Variants in NDUFA3 observed in about 807,000 individuals in gnomAD.
The protein encoded by NDUFA3 is NADH dehydrogenase [ubiquinone] 1 alpha subcomplex subunit 3.
NDUFA3 carries 10 observed loss-of-function variants against 11.4 expected under a neutral mutation model. The observed-to-expected ratio is 0.87, with a 90% CI of 0.54 to 1.48. NDUFA3 has a LOEUF of 1.48. Ranked by LOEUF, NDUFA3 falls within the 40% of genes most tolerant of loss-of-function variation. The pLI, the probability that NDUFA3 is intolerant of heterozygous loss-of-function variation, is 0.00. For missense variants in NDUFA3, 115 were observed against 110.5 expected, an observed-to-expected ratio of 1.04 and a Z score of -0.18; for synonymous variants, 39 against 46.9, an observed-to-expected ratio of 0.83 and a Z score of 0.68.
At chr19:54,102,913 C>T (rs2073130189) in intron 1 of NDUFA3, 25 bp downstream of exon 1, 1 of 1,608,406 alleles carries the variant, frequency 6.2e-7, no homozygotes, top group African/African-American at 1.3e-5. Context: ...CGGTGGCGCA[C>T]GGGGCTCGGG....
Position 54,106,619 on chromosome 19 carries a change from G to T in NDUFA3, c.164-192G>T, listed in dbSNP as rs758195218. The T allele has an allele frequency of 8.0e-6, 4 of 501,000 alleles. No individual in the cohort carries two copies. The East Asian group carries it at 1.3e-4, about 16-fold the overall frequency. 31.0% of individuals were successfully genotyped at this position (501,000 alleles called of 1,614,324 possible). On this transcript the variant is annotated intron_variant, in intron 3 of 3. Coordinates refer to ENST00000485876, the MANE Select transcript of NDUFA3 (RefSeq NM_004542.4). ...CTCTAGTGCGCGGGATCTCTCCCTC[G>T]CTATCTCTCTGGTTTTCCGTGTCTC...
At chr19:54,105,769 T>A in intron 2 of NDUFA3, 165 bp from the exon 3 acceptor site, 1 of 697,434 alleles carries the variant, frequency 1.4e-6, no homozygotes, top group South Asian at 1.6e-5. Context: ...AACCCTCCTG[T>A]CTATAAGTAG....
At chr19:54,103,481 T>G (rs2073156331) in intron 2 of NDUFA3, among the ~76,000 whole-genome samples, 1 of 152,124 alleles carries the variant, frequency 6.6e-6, no homozygotes, top group Non-Finnish European at 1.5e-5. Context: ...CCTCCTCCTT[T>G]TCATCTTTCC....
chr19:54,105,440 C>T (rs1315117260), intron 2 of NDUFA3, among the ~76,000 whole-genome samples: 3 of 151,078 alleles, frequency 2.0e-5, no homozygotes, highest in African/African-American at 4.9e-5. Context: ...GGCTAATTTT[C>T]GTATCTTTAG....
intron 2 of NDUFA3, among the ~76,000 whole-genome samples, chr19:54,104,391 A>C (rs1455078834): frequency 1.3e-5 from 2 of 151,888 alleles, no homozygotes; most frequent in Non-Finnish European, 2.9e-5. Flanking sequence ...GCCTTCCCAA[A>C]GTGCTGGGAT....
intron 3 of NDUFA3, 36 bp downstream of exon 3, chr19:54,106,047 C>T: frequency 6.4e-7 from 1 of 1,567,970 alleles, no homozygotes. Context: ...CCGGAATAGG[C>T]CCAGCCTCCC....
At chr19:54,103,000 G>T (rs1184608696) in intron 1 of NDUFA3, 112 bp downstream of exon 1, 1 of 1,542,452 alleles carries the variant, frequency 6.5e-7, no homozygotes, top group Non-Finnish European at 8.8e-7. Flanking sequence ...GTCCGTGCTG[G>T]AGGGGAACGC....
Position 54,103,172 on chromosome 19 carries a change from C to T in NDUFA3, c.69C>T (p.Phe23=), listed in dbSNP as rs17851994. 2.5e-6 allele frequency: 4 copies of T among 1,600,522 alleles called. No homozygotes were observed. The highest frequency in any genetic ancestry group is 2.6e-6 in the Non-Finnish European group (3 of 1,171,048). Residue 23 remains phenylalanine (F), a synonymous_variant, in exon 2 of 4, where the codon TTC becomes TTT. Transcript: ENST00000485876. ...WDKEPVLVVS[F]VVGGLAVILP... ...AGGAGCCAGTGCTGGTCGTGTCCTT[C>T]GTCGTCGGGGGCCTCGGTGCGTGAG...
chr19:54,103,241 A>T lies in NDUFA3; in HGVS notation c.85+53A>T, dbSNP rs1248418431. On this transcript the variant is annotated intron_variant, in intron 2 of 3. Transcript: ENST00000485876. ...GCATCGTCCACCCCCGTCCCCCTAC[A>T]TCCCTCCATCTTGTACCCCTAAAGC... 3.3e-6 allele frequency: 5 copies of T among 1,521,924 alleles called. No individual in the cohort carries two copies. In the African/African-American group the frequency reaches 6.9e-5, roughly 21 times the overall value. The allele number at this position is 1,521,924 out of a possible 1,614,324, so 94.3% of individuals were successfully genotyped here. A position where few individuals can be genotyped will look rare whatever the true frequency, so the allele number is the denominator to read the frequency against.
At chr19:54,103,035 G>A (rs1464953341) in intron 1 of NDUFA3, 79 bp from the exon 2 acceptor site, 37 of 1,554,184 alleles carry the variant, frequency 2.4e-5, no homozygotes, top group Non-Finnish European at 3.2e-5. Flanking sequence ...GGCTCCTCCA[G>A]GGCAGGGGTG....
At chr19:54,106,569 T>C (rs1181137319) in intron 3 of NDUFA3, 16 of 464,800 alleles carry the variant, frequency 3.4e-5, no homozygotes, top group Middle Eastern at 2.9e-4. Context: ...TCTGTCCTGT[T>C]TCCCCATCTC....
chr19:54,106,623 T>C (rs587745540), intron 3 of NDUFA3, 188 bp from the exon 4 acceptor site: 33 of 513,346 alleles, frequency 6.4e-5, no homozygotes, highest in Non-Finnish European at 9.9e-5. Context: ...TCCCTCGCTA[T>C]CTCTCTGGTT....
In NDUFA3 at chr19:54,103,226, C is replaced by T. The variant is rs112059066; in HGVS notation, c.85+38C>T. 6.4e-4 allele frequency: 989 copies of T among 1,551,752 alleles called. 2 individuals are homozygous for T. The African/African-American group carries it at 9.5e-3, about 15-fold the overall frequency. On this transcript the variant is annotated intron_variant, in intron 2 of 3. Coordinates refer to ENST00000485876, the MANE Select transcript of NDUFA3 (RefSeq NM_004542.4). ...TCCAGGCGCAAACTTGCATCGTCCACCCCCGTCCCCCTACATCCCTCCATC... is the reference window on the plus strand; with the variant it reads ...TCCAGGCGCAAACTTGCATCGTCCATCCCCGTCCCCCTACATCCCTCCATC...
In NDUFA3 at chr19:54,106,971, G is replaced by C; in HGVS notation, c.*69G>C. ...AAAATGTGAAAACCAACCCCCGAAC[G>C]TGAGCATGTGTGTGATCAGAGGTGG... On this transcript the variant is annotated 3_prime_UTR_variant, in exon 4 of 4. Transcript: ENST00000485876. 2 of 1,600,398 alleles carry C rather than the reference G, an allele frequency of 1.2e-6. No individual in the cohort carries two copies. Among genetic ancestry groups the C allele is most frequent in the Middle Eastern group, 1.7e-4 (1 of 5,882 alleles).
chr19:54,107,004 T>A lies in NDUFA3; in HGVS notation c.*102T>A, dbSNP rs753337318. 8.7e-6 allele frequency: 14 copies of A among 1,606,680 alleles called. No individual in the cohort carries two copies. Among genetic ancestry groups the A allele is most frequent in the Non-Finnish European group, 1.2e-5 (14 of 1,175,646 alleles). ...GTGTGTGATCAGAGGTGGGAACAAG[T>A]AGACGGTGGCCGGGGTGAGTGTGGG... On this transcript the variant is annotated 3_prime_UTR_variant, in exon 4 of 4. Transcript: ENST00000485876.
At chr19:54,103,276 G>T (rs2073146522) in intron 2 of NDUFA3, 88 bp downstream of exon 2, 1 of 1,353,248 alleles carries the variant, frequency 7.4e-7, no homozygotes, top group Middle Eastern at 1.9e-4. Context: ...CCCTATCGCC[G>T]CCCTCGGGTC....
chr19:54,103,158 C>T lies in NDUFA3; in HGVS notation c.55C>T (p.Leu19=). The stretch of plus-strand genomic sequence containing the variant: ...GAATGCCTGGGACAAGGAGCCAGTG[C>T]TGGTCGTGTCCTTCGTCGTCGGGGG... ...LKNAWDKEPV[L]VVSFVVGGLA... The change falls in exon 2 of 4, where the codon CTG becomes TTG. Residue 19 remains leucine (L), a synonymous_variant. Coordinates refer to ENST00000485876, the MANE Select transcript of NDUFA3 (RefSeq NM_004542.4). 1 of 1,605,686 alleles carries T rather than the reference C, an allele frequency of 6.2e-7. No homozygotes were observed.
In NDUFA3 at chr19:54,105,264, C is replaced by CCTTTTTTTTTTTTTTTTTTTT. The variant is rs1316415018; in HGVS notation, c.86-670_86-669insCTTTTTTTTTTTTTTTTTTTT. On this transcript the variant is annotated intron_variant, in intron 2 of 3. Coordinates refer to ENST00000485876, the MANE Select transcript of NDUFA3 (RefSeq NM_004542.4). ...ACCCTTTCTCCTCCAGTTTGTAAGG[C>CCTTTTTTTTTTTTTTTTTTTT]TTTTTTTTTTTTTTTTTTTTTGGTG... 2.9e-4 allele frequency among the ~76,000 whole-genome samples: 21 copies of CCTTTTTTTTTTTTTTTTTTTT among 71,262 alleles called. 2 individuals are homozygous for CCTTTTTTTTTTTTTTTTTTTT. Among genetic ancestry groups the CCTTTTTTTTTTTTTTTTTTTT allele is most frequent in the African/African-American group, 7.8e-4 (13 of 16,568 alleles). 46.8% of individuals were successfully genotyped at this position (71,262 alleles called of 152,430 possible). A position where few individuals can be genotyped will look rare whatever the true frequency, so the allele number is the denominator to read the frequency against.
chr19:54,105,509 TC>T (rs1458046993), intron 2 of NDUFA3: 5 of 347,750 alleles, frequency 1.4e-5, no homozygotes, highest in Non-Finnish European at 2.4e-5. Flanking sequence ...CCTCAGGTGA[TC>T]CGCCCACATT....
Sources: gnomAD v4.1 joint callset for allele counts (sites outside exome capture counted in the v4.1 genomes callset) on GRCh38, gnomAD v4.1.1 for gene constraint, MANE v1.5 for transcripts, NCBI Gene and HGNC (gene_info 2026-07-23, HGNC 2026-07-21) for gene names.